The following CDH8 variants were observed in gnomAD, a reference collection of about 807,000 sequenced individuals.
CDH8 encodes the protein cadherin-8.
A neutral mutation model predicts 68.1 loss-of-function variants in CDH8; 17 were observed. The ratio of observed to expected loss-of-function variants is 0.25; its 90% confidence interval spans 0.17 to 0.37. The LOEUF (loss-of-function observed/expected upper bound fraction) is 0.37. CDH8 is among the 10% of genes least tolerant of loss of function. The pLI, the probability that CDH8 is intolerant of heterozygous loss-of-function variation, is 1.00. For synonymous variants in CDH8, 372 were observed against 365.1 expected, an observed-to-expected ratio of 1.02 and a Z score of -0.21; for missense variants, 763 against 999.3, an observed-to-expected ratio of 0.76 and a Z score of 3.19.
chr16:62,013,775 A>G (rs1901873542), intron 2 of CDH8, among the ~76,000 whole-genome samples: 1 of 152,196 alleles, frequency 6.6e-6, no homozygotes, highest in Non-Finnish European at 1.5e-5. Context: ...TACTTGTAAT[A>G]GGAATCAATA....
chr16:61,817,820 T>A (rs764930366), intron 6 of CDH8, 88 bp from the exon 7 acceptor site: 28 of 1,368,390 alleles, frequency 2.0e-5, no homozygotes, highest in Non-Finnish European at 2.6e-5. Flanking sequence ...ATGAAAGTTA[T>A]GTGCATTTAA....
chr16:61,886,018 G>A (rs1963666352), intron 3 of CDH8, among the ~76,000 whole-genome samples: 1 of 152,140 alleles, frequency 6.6e-6, no homozygotes, highest in Non-Finnish European at 1.5e-5. Flanking sequence ...CCCAGTTCAA[G>A]GAGACGCATG....
chr16:61,847,276 A>C (rs1160697271), intron 4 of CDH8, among the ~76,000 whole-genome samples: 3 of 152,066 alleles, frequency 2.0e-5, no homozygotes, highest in Admixed American at 6.6e-5. Flanking sequence ...TCCATATGGC[A>C]CAAACTCTTT....
intron 5 of CDH8, among the ~76,000 whole-genome samples, chr16:61,824,769 T>C (rs1027146525): frequency 1.3e-5 from 2 of 152,042 alleles, no homozygotes; most frequent in Non-Finnish European, 1.5e-5. Context: ...AGTGCACAAC[T>C]TGCAGTCAGA....
At chr16:62,012,746 C>G (rs1040019007) in intron 2 of CDH8, among the ~76,000 whole-genome samples, 2 of 151,866 alleles carry the variant, frequency 1.3e-5, no homozygotes, top group Non-Finnish European at 2.9e-5. Context: ...TACAGGTTCT[C>G]CTGTATTGCT....
chr16:61,818,698 A>ATAATACTTGATTTCATAATACTT (rs1962138457), intron 6 of CDH8, among the ~76,000 whole-genome samples: 1 of 152,312 alleles, frequency 6.6e-6, no homozygotes, highest in South Asian at 2.1e-4. Flanking sequence ...ATAATACTTC[A>ATAATACTTGATTTCATAATACTT]GATTTCAAGA....
intron 2 of CDH8, among the ~76,000 whole-genome samples, chr16:61,916,278 C>T (rs1380418083): frequency 6.6e-6 from 1 of 152,142 alleles, no homozygotes; most frequent in African/African-American, 2.4e-5. Flanking sequence ...CTTCGGGAGG[C>T]TGAGGTGGGC....
intron 3 of CDH8, among the ~76,000 whole-genome samples, chr16:61,885,578 G>A (rs1447536420): frequency 3.3e-5 from 5 of 152,002 alleles, no homozygotes; most frequent in Non-Finnish European, 5.9e-5. Flanking sequence ...GACGGATACT[G>A]GTATTTCTCC....
intron 8 of CDH8, among the ~76,000 whole-genome samples, chr16:61,788,970 T>C (rs1169599961): frequency 6.6e-6 from 1 of 152,124 alleles, no homozygotes; most frequent in Non-Finnish European, 1.5e-5. Flanking sequence ...TATGTGTTTC[T>C]ATATTGTATG....
intron 2 of CDH8, among the ~76,000 whole-genome samples, chr16:61,982,313 G>T (rs564103461): frequency 1.3e-5 from 2 of 152,034 alleles, no homozygotes; most frequent in South Asian, 4.2e-4. Context: ...TCCGCCTCCC[G>T]GGTTCACGCC....
chr16:61,892,880 T>C (rs1963802056), intron 3 of CDH8, among the ~76,000 whole-genome samples: 2 of 152,130 alleles, frequency 1.3e-5, no homozygotes. Context: ...TTCCTCACTG[T>C]TAAAGAAAGG....
chr16:61,864,937 G>T (rs972608544), intron 3 of CDH8, among the ~76,000 whole-genome samples: 9 of 152,130 alleles, frequency 5.9e-5, no homozygotes, highest in African/African-American at 2.2e-4. Context: ...AAGAGGCAGA[G>T]GCAGCATGTG....
At chr16:62,019,131 G>A (rs1427338784) in intron 2 of CDH8, among the ~76,000 whole-genome samples, 3 of 152,230 alleles carry the variant, frequency 2.0e-5, no homozygotes, top group Non-Finnish European at 4.4e-5. Context: ...AAATATGCAT[G>A]TATTCCCAGA....
At chr16:61,816,544 T>C (rs981524336) in intron 7 of CDH8, among the ~76,000 whole-genome samples, 1 of 152,136 alleles carries the variant, frequency 6.6e-6, no homozygotes, top group Non-Finnish European at 1.5e-5. Flanking sequence ...TATTCCTCCA[T>C]CTACTTCTTA....
At chr16:61,803,642 A>G (rs1961716683) in intron 7 of CDH8, among the ~76,000 whole-genome samples, 1 of 151,544 alleles carries the variant, frequency 6.6e-6, no homozygotes, top group Admixed American at 6.6e-5. Flanking sequence ...GAAATGGAAA[A>G]CAAAAAAAAG....
In CDH8 at chr16:61,648,865, A is replaced by T. The variant is rs935489151; in HGVS notation, c.*4743T>A. ...CTGTGCTCAAAATACTAGGACTAGA[A>T]TATCTTCAATAGCAACAGTATACCA... On this transcript the variant is annotated 3_prime_UTR_variant, in exon 12 of 12. Coordinates refer to ENST00000577390, the MANE Select transcript of CDH8 (RefSeq NM_001796.5). 5 of 151,988 alleles carry T rather than the reference A, an allele frequency of 3.3e-5. No individual in the cohort carries two copies. The highest frequency in any genetic ancestry group is 7.4e-5 in the Non-Finnish European group (5 of 67,940). 9.4% of individuals were successfully genotyped at this position (151,988 alleles called of 1,614,324 possible).
chr16:61,864,292 CGGTTGGTT>C (rs59862418), intron 3 of CDH8, among the ~76,000 whole-genome samples: 21,872 of 145,962 alleles, frequency 0.15, 1,786 homozygotes, highest in Middle Eastern at 0.21. Flanking sequence ...GCTGGATGTC[CGGTTGGTT>C]GGTTGGTTGG....
chr16:61,756,839 T>C (rs1960332905), intron 8 of CDH8, among the ~76,000 whole-genome samples: 2 of 152,190 alleles, frequency 1.3e-5, no homozygotes, highest in Admixed American at 1.3e-4. Context: ...CTCACTGTCC[T>C]AGAAGTTCGA....
chr16:61,809,571 C>T (rs1054982903), intron 7 of CDH8, among the ~76,000 whole-genome samples: 1 of 152,078 alleles, frequency 6.6e-6, no homozygotes, highest in African/African-American at 2.4e-5. Flanking sequence ...GCACGTTCTG[C>T]ACATGTATCC....
Sources: gnomAD v4.1 joint callset for allele counts (sites outside exome capture counted in the v4.1 genomes callset) on GRCh38, gnomAD v4.1.1 for gene constraint, MANE v1.5 for transcripts, NCBI Gene and HGNC (gene_info 2026-07-23, HGNC 2026-07-21) for gene names.